CXCL13: variants seen among roughly 807,000 people sequenced by gnomAD.
CXCL13 encodes the protein C-X-C motif chemokine 13.
CXCL13 carries 7 observed loss-of-function variants against 12.2 expected under a neutral mutation model. That is an observed-to-expected ratio of 0.57 (90% confidence interval 0.33 to 1.07). The LOEUF is 1.07. Ranked by LOEUF, CXCL13 falls within the 50% of genes least tolerant of loss-of-function variation. The probability of loss-of-function intolerance (pLI) is 0.04; values close to 1 mark genes in which losing one functional copy is unlikely to be tolerated. For missense variants in CXCL13, 113 were observed against 127.4 expected, an observed-to-expected ratio of 0.89 and a Z score of 0.55; for synonymous variants, 47 against 42.4, an observed-to-expected ratio of 1.11 and a Z score of -0.42.
intron 1 of CXCL13, among the ~76,000 whole-genome samples, chr4:77,541,152 T>C (rs1170862763): frequency 6.6e-6 from 1 of 152,204 alleles, no homozygotes; most frequent in Non-Finnish European, 1.5e-5. Flanking sequence ...TTCTGTATAT[T>C]AGACCTTTGT....
chr4:77,522,514 C>CTT (rs777857811), intron 1 of CXCL13, among the ~76,000 whole-genome samples: 155 of 10,068 alleles, frequency 0.015, 33 homozygotes, highest in Non-Finnish European at 0.024. Flanking sequence ...GCAACCCCTG[C>CTT]TTTTTTTTTT....
intron 1 of CXCL13, among the ~76,000 whole-genome samples, chr4:77,524,639 G>T (rs1367827564): frequency 6.6e-6 from 1 of 151,926 alleles, no homozygotes; most frequent in Admixed American, 6.5e-5. Flanking sequence ...GCTTCCCTTG[G>T]CTAGGAAAGG....
At chr4:77,589,289 A>T (rs758888888) in intron 1 of CXCL13, among the ~76,000 whole-genome samples, 7 of 152,158 alleles carry the variant, frequency 4.6e-5, no homozygotes, top group Non-Finnish European at 1.0e-4. Context: ...CCCATCTGGG[A>T]CACTAATCAT....
chr4:77,592,012 A>G (rs146047641), intron 1 of CXCL13, among the ~76,000 whole-genome samples: 1 of 152,316 alleles, frequency 6.6e-6, no homozygotes, highest in Non-Finnish European at 1.5e-5. Context: ...AACACCAAAA[A>G]CATTTCTGGC....
chr4:77,531,685 C>G (rs1337624625), intron 1 of CXCL13, among the ~76,000 whole-genome samples: 1 of 152,104 alleles, frequency 6.6e-6, no homozygotes. Context: ...GAGTCTAAGT[C>G]TCTTTCTAGG....
At chr4:77,562,838 A>G (rs1725844868) in intron 1 of CXCL13, among the ~76,000 whole-genome samples, 1 of 152,142 alleles carries the variant, frequency 6.6e-6, no homozygotes, top group Admixed American at 6.5e-5. Flanking sequence ...CTCTGTCAAA[A>G]CGGACCAATC....
chr4:77,518,945 G>C (rs1724501329), intron 1 of CXCL13, among the ~76,000 whole-genome samples: 1 of 152,158 alleles, frequency 6.6e-6, no homozygotes, highest in Admixed American at 6.5e-5. Context: ...GGACTTTGAT[G>C]ATGGTGATGT....
chr4:77,594,461 C>A (rs1726697167), intron 1 of CXCL13, among the ~76,000 whole-genome samples: 1 of 152,144 alleles, frequency 6.6e-6, no homozygotes, highest in African/African-American at 2.4e-5. Context: ...CCAATACTTG[C>A]ATCAAAATTA....
intron 1 of CXCL13, among the ~76,000 whole-genome samples, chr4:77,527,629 C>A (rs1327368631): frequency 6.6e-6 from 1 of 150,806 alleles, no homozygotes; most frequent in Non-Finnish European, 1.5e-5. Context: ...GAGACACAGT[C>A]TCAGATAAAA....
upstream of CXCL13, chr4:77,605,743 C>T: frequency 2.1e-6 from 1 of 480,668 alleles, no homozygotes; most frequent in Non-Finnish European, 3.8e-6. Flanking sequence ...GATGATGCAG[C>T]TGACCTACTG....
intron 1 of CXCL13, among the ~76,000 whole-genome samples, chr4:77,525,837 A>T (rs1176977080): frequency 6.6e-6 from 1 of 152,102 alleles, no homozygotes; most frequent in Non-Finnish European, 1.5e-5. Flanking sequence ...TGTGAATTCC[A>T]TCAATTCAGC....
intron 1 of CXCL13, among the ~76,000 whole-genome samples, chr4:77,545,251 A>G (rs1351854880): frequency 6.6e-6 from 1 of 152,130 alleles, no homozygotes; most frequent in Non-Finnish European, 1.5e-5. Context: ...GTTCCATATG[A>G]ACTTTAAAGT....
upstream of CXCL13, among the ~76,000 whole-genome samples, chr4:77,603,612 C>T (rs1410038877): frequency 6.6e-6 from 1 of 152,094 alleles, no homozygotes; most frequent in African/African-American, 2.4e-5. Context: ...GTTATCAATT[C>T]AAAGAAATAG....
intron 1 of CXCL13, among the ~76,000 whole-genome samples, chr4:77,514,077 T>C (rs941719606): frequency 6.6e-6 from 1 of 152,030 alleles, no homozygotes; most frequent in Non-Finnish European, 1.5e-5. Flanking sequence ...GTTCTTGCAA[T>C]AGTTTACTGA....
At chr4:77,563,788 A>T (rs115060076) in intron 1 of CXCL13, among the ~76,000 whole-genome samples, 1 of 152,144 alleles carries the variant, frequency 6.6e-6, no homozygotes, top group African/African-American at 2.4e-5. Flanking sequence ...GTTAGAATAT[A>T]TTGTCTTTTT....
chr4:77,588,639 T>G (rs1726536201), intron 1 of CXCL13, among the ~76,000 whole-genome samples: 1 of 152,188 alleles, frequency 6.6e-6, no homozygotes, highest in Non-Finnish European at 1.5e-5. Flanking sequence ...TAGCTAATAT[T>G]CTGTCTTTTG....
intron 1 of CXCL13, among the ~76,000 whole-genome samples, chr4:77,586,070 CTT>C (rs956289808): frequency 5.3e-5 from 8 of 152,046 alleles, no homozygotes; most frequent in Non-Finnish European, 1.2e-4. Context: ...TGTGTGATGA[CTT>C]GTAAAAATTA....
At chr4:77,543,225 T>C (rs1725250843) in intron 1 of CXCL13, among the ~76,000 whole-genome samples, 1 of 152,134 alleles carries the variant, frequency 6.6e-6, no homozygotes, top group Non-Finnish European at 1.5e-5. Flanking sequence ...TTGTCATTTC[T>C]GGTTGTGCTT....
chr4:77,570,739 TG>T (rs1010249315), intron 1 of CXCL13, among the ~76,000 whole-genome samples: 9 of 151,984 alleles, frequency 5.9e-5, no homozygotes, highest in African/African-American at 1.9e-4. Flanking sequence ...GGCGTGGGCT[TG>T]GTGGTCCTAT....
Sources: gnomAD v4.1 joint callset for allele counts (sites outside exome capture counted in the v4.1 genomes callset) on GRCh38, gnomAD v4.1.1 for gene constraint, MANE v1.5 for transcripts, NCBI Gene and HGNC (gene_info 2026-07-23, HGNC 2026-07-21) for gene names.